HMGXB4: variants seen among roughly 807,000 people sequenced by gnomAD.
The protein encoded by HMGXB4 is HMG domain-containing protein 4.
HMGXB4 carries 27 observed loss-of-function variants against 63.9 expected under a neutral mutation model. The observed-to-expected ratio is 0.42, with a 90% CI of 0.31 to 0.58. The LOEUF is 0.58. Among genes scored for constraint, HMGXB4 ranks in the 20% least tolerant of loss-of-function variants. The probability of loss-of-function intolerance (pLI) is 0.13; values close to 1 mark genes in which losing one functional copy is unlikely to be tolerated. For synonymous variants in HMGXB4, 264 were observed against 265.3 expected (o/e 0.99, Z 0.05); for missense variants, 624 against 700.7 (o/e 0.89, Z 1.24).
chr22:35,268,392 T>TC (rs1233561937), intron 5 of HMGXB4, among the ~76,000 whole-genome samples: 3 of 152,208 alleles, frequency 2.0e-5, no homozygotes, highest in Non-Finnish European at 4.4e-5. Flanking sequence ...CTTTAGCTCC[T>TC]CCATTACCAT....
At chr22:35,279,390 C>T (rs918884046) in intron 5 of HMGXB4, among the ~76,000 whole-genome samples, 4 of 151,998 alleles carry the variant, frequency 2.6e-5, no homozygotes, top group East Asian at 3.9e-4. Flanking sequence ...CCGCCCACCT[C>T]GGCCTCCCAA....
Position 35,265,273 on chromosome 22 carries a change from C to T in HMGXB4, c.885C>T (p.Asp295=). The part of the protein sequence containing the change: ...SGLEPILVES[D]SSSGGELEAG... The stretch of plus-strand genomic sequence containing the variant: ...TTGAACCTATTCTGGTAGAATCAGA[C>T]TCATCCTCTGGTGGGGAACTAGAGG... The change falls in exon 5 of 11, where the codon GAC becomes GAT. Residue 295 remains aspartate (D), a synonymous_variant. Coordinates refer to ENST00000216106, the MANE Select transcript of HMGXB4 (RefSeq NM_001003681.3). The T allele has an allele frequency of 6.2e-7, 1 of 1,614,054 alleles. No individual in the cohort carries two copies. Among genetic ancestry groups the T allele is most frequent in the Non-Finnish European group, 8.5e-7 (1 of 1,180,018 alleles).
the HMGXB4 span, among the ~76,000 whole-genome samples, chr22:35,246,332 T>C: frequency 1.3e-5 from 2 of 152,126 alleles, no homozygotes; most frequent in African/African-American, 2.4e-5. Context: ...TAGAGTGCAG[T>C]GGCACGATCT....
At chr22:35,291,187 G>A (rs1046381259) in intron 9 of HMGXB4, among the ~76,000 whole-genome samples, 1 of 151,322 alleles carries the variant, frequency 6.6e-6, no homozygotes, top group East Asian at 1.9e-4. Flanking sequence ...CGCTTGAACC[G>A]GGAGGTGGAG....
the HMGXB4 span, chr22:35,249,717 A>G: frequency 1.5e-4 from 15 of 99,598 alleles, 6 homozygotes; most frequent in Non-Finnish European, 3.1e-4. Context: ...GTACTTTGAA[A>G]TATCTTCGCA....
intron 6 of HMGXB4, 144 bp from the exon 7 acceptor site, chr22:35,285,853 G>A: frequency 3.3e-6 from 2 of 598,238 alleles, no homozygotes; most frequent in South Asian, 4.3e-5. Flanking sequence ...AAGAGTGATG[G>A]GATTGGGGTT....
intron 5 of HMGXB4, among the ~76,000 whole-genome samples, chr22:35,280,268 T>G (rs1329083574): frequency 1.3e-5 from 2 of 152,214 alleles, no homozygotes; most frequent in Non-Finnish European, 2.9e-5. Flanking sequence ...GAGTACCTAC[T>G]GAAGTGCCAC....
intron 1 of HMGXB4, among the ~76,000 whole-genome samples, chr22:35,259,006 A>G (rs1412215670): frequency 6.6e-6 from 1 of 152,230 alleles, no homozygotes; most frequent in African/African-American, 2.4e-5. Context: ...TTTAACTGTA[A>G]TTTGAAGTTT....
the HMGXB4 span, among the ~76,000 whole-genome samples, chr22:35,244,298 T>G: frequency 6.7e-4 from 1 of 1,484 alleles, no homozygotes; most frequent in African/African-American, 9.9e-4. Context: ...TTCTTTTTTC[T>G]TTTTTTTTTT....
upstream of HMGXB4, among the ~76,000 whole-genome samples, chr22:35,255,195 G>A (rs1384948693): frequency 6.6e-6 from 1 of 152,010 alleles, no homozygotes; most frequent in African/African-American, 2.4e-5. Flanking sequence ...AAAGCAAAAG[G>A]GAAAAAGAAA....
intron 5 of HMGXB4, among the ~76,000 whole-genome samples, chr22:35,280,374 G>A (rs146850853): frequency 1.3e-3 from 197 of 152,298 alleles, no homozygotes; most frequent in Non-Finnish European, 2.4e-3. Context: ...TTCACGTAAC[G>A]AGTAAATAGC....
intron 2 of HMGXB4, 149 bp from the exon 3 acceptor site, chr22:35,262,929 C>A: frequency 1.4e-6 from 1 of 715,654 alleles, no homozygotes; most frequent in African/African-American, 1.8e-5. Context: ...ATTCTGTTCC[C>A]CTGGGTCTAG....
intron 5 of HMGXB4, among the ~76,000 whole-genome samples, chr22:35,273,816 C>T (rs760513): frequency 0.51 from 77,788 of 151,972 alleles, 22,808 homozygotes; most frequent in Non-Finnish European, 0.65. Context: ...AGAGCTTCAT[C>T]GTCACTAAAA....
chr22:35,282,868 T>C (rs796269469), intron 5 of HMGXB4, among the ~76,000 whole-genome samples: 3 of 152,366 alleles, frequency 2.0e-5, no homozygotes, highest in African/African-American at 7.2e-5. Context: ...AGGAAAAACT[T>C]AACTTTTTCC....
chr22:35,252,988 T>G (rs1272058926), upstream of HMGXB4, among the ~76,000 whole-genome samples: 1 of 151,814 alleles, frequency 6.6e-6, no homozygotes, highest in Non-Finnish European at 1.5e-5. Context: ...AAAAATTAGC[T>G]GGGTGTGGTG....
intron 5 of HMGXB4, among the ~76,000 whole-genome samples, chr22:35,279,544 G>A (rs5755683): frequency 0.51 from 77,783 of 151,882 alleles, 22,814 homozygotes; most frequent in Non-Finnish European, 0.65. Context: ...TTCTGTTTCT[G>A]AAAAGTAATT....
At chr22:35,245,335 T>TC in the HMGXB4 span, among the ~76,000 whole-genome samples, 1 of 150,860 alleles carries the variant, frequency 6.6e-6, no homozygotes, top group South Asian at 2.1e-4. Context: ...TTCTATTTTT[T>TC]TTTTTTTTGG....
intron 2 of HMGXB4, among the ~76,000 whole-genome samples, 153 bp downstream of exon 2, chr22:35,262,574 C>G (rs1031507197): frequency 6.6e-6 from 1 of 152,128 alleles, no homozygotes; most frequent in African/African-American, 2.4e-5. Flanking sequence ...CACGCCATCC[C>G]CAGACTGGGC....
chr22:35,282,643 G>T (rs1924339949), intron 5 of HMGXB4, among the ~76,000 whole-genome samples: 1 of 152,156 alleles, frequency 6.6e-6, no homozygotes, highest in Non-Finnish European at 1.5e-5. Flanking sequence ...AACTTTTTCT[G>T]TAAGGGAGCA....
Sources: gnomAD v4.1 joint callset for allele counts (sites outside exome capture counted in the v4.1 genomes callset) on GRCh38, gnomAD v4.1.1 for gene constraint, MANE v1.5 for transcripts, NCBI Gene and HGNC (gene_info 2026-07-23, HGNC 2026-07-21) for gene names.